CCDC148: variants seen among roughly 807,000 people sequenced by gnomAD.
The protein encoded by CCDC148 is coiled-coil domain-containing protein 148.
Under a neutral mutation model 85.7 loss-of-function variants are expected in CCDC148, and 89 were observed. That is an observed-to-expected ratio of 1.04 (90% CI 0.87 to 1.24). CCDC148 has a LOEUF of 1.24. Ranked by LOEUF, CCDC148 falls within the 50% of genes most tolerant of loss-of-function variation. The pLI is 0.00. For missense variants in CCDC148, 692 were observed against 671.7 expected (o/e 1.03, Z -0.33); for synonymous variants, 230 against 213.9 (o/e 1.08, Z -0.66).
intron 10 of CCDC148, among the ~76,000 whole-genome samples, chr2:158,238,538 A>G (rs1347210663): frequency 1.3e-5 from 2 of 152,196 alleles, no homozygotes; most frequent in African/African-American, 4.8e-5. Context: ...TATCTGTTCC[A>G]TAACACATGT....
intron 1 of CCDC148, among the ~76,000 whole-genome samples, chr2:158,406,629 T>TTTTTTTGTTTTTTTTTTTTTTTTTTTG (rs1553518868): frequency 8.5e-6 from 1 of 117,490 alleles, no homozygotes; most frequent in African/African-American, 3.1e-5. Context: ...TTTTTTTTTT[T>TTTTTTTGTTTTTTTTTTTTTTTTTTTG]TTTTTTTTTT....
chr2:158,290,580 T>C (rs1223913529), intron 9 of CCDC148, among the ~76,000 whole-genome samples: 4 of 152,196 alleles, frequency 2.6e-5, no homozygotes, highest in Non-Finnish European at 5.9e-5. Context: ...AGGCTTTCCA[T>C]AGATAGTTCC....
chr2:158,308,753 C>A (rs1691818036), intron 9 of CCDC148, among the ~76,000 whole-genome samples: 1 of 152,308 alleles, frequency 6.6e-6, no homozygotes, highest in Non-Finnish European at 1.5e-5. Context: ...TGCACTGTGA[C>A]CCTCCTGTGG....
In CCDC148 at chr2:158,329,040, T is replaced by C. The variant is rs1692947629; in HGVS notation, c.764+9686A>G. 2.0e-5 allele frequency among the ~76,000 whole-genome samples: 3 copies of C among 152,356 alleles called. No individual in the cohort carries two copies. In the South Asian group the frequency reaches 6.2e-4, roughly 32 times the overall value. ...TTAACTAGATCCCATTTGTCAGTTT[T>C]GGCTTTTGTTGCCATTGCTTTTGGT... is the stretch of plus-strand genomic sequence containing the variant. On this transcript the variant is annotated intron_variant, in intron 7 of 13. Coordinates refer to ENST00000283233, the MANE Select transcript of CCDC148 (RefSeq NM_138803.4).
intron 9 of CCDC148, among the ~76,000 whole-genome samples, chr2:158,294,872 T>C (rs1232025129): frequency 6.7e-6 from 1 of 150,308 alleles, no homozygotes; most frequent in African/African-American, 2.5e-5. Flanking sequence ...AAAGTGACCA[T>C]GTTACTTTGC....
At position 158,311,235 on chromosome 2, in the gene CCDC148, C is replaced by G. The variant is rs6755379; in HGVS notation, c.904-1596G>C. On this transcript the variant is annotated intron_variant, in intron 8 of 13. Transcript: ENST00000283233. ...CTGCAATCCCGGCACCTCGGGAGGC[C>G]GAGGTGGGCAGATCACTCGAGGTCA... 2.9e-3 allele frequency among the ~76,000 whole-genome samples: 435 copies of G among 152,290 alleles called. 4 individuals are homozygous for G. The highest frequency in any genetic ancestry group is 0.01 in the African/African-American group (417 of 41,570).
intron 9 of CCDC148, among the ~76,000 whole-genome samples, chr2:158,287,138 G>T (rs186310015): frequency 6.6e-6 from 1 of 152,260 alleles, no homozygotes; most frequent in Non-Finnish European, 1.5e-5. Flanking sequence ...CACGAGAATA[G>T]CACAGGAAAG....
chr2:158,190,662 A>C lies in CCDC148; in HGVS notation c.1371-11666T>G, dbSNP rs58828468. ...AATTAATATGTATTGCATTTAAAAAATCTTCATGAGGCCATATAATCATTT... is the reference window on the plus strand; with the variant it reads ...AATTAATATGTATTGCATTTAAAAACTCTTCATGAGGCCATATAATCATTT... On this transcript the variant is annotated intron_variant, in intron 11 of 13. Transcript: ENST00000283233. Among the ~76,000 whole-genome samples, 1,274 of 152,146 alleles carry C rather than the reference A, an allele frequency of 8.4e-3. 16 individuals carry two copies. The highest frequency in any genetic ancestry group is 0.028 in the African/African-American group (1,154 of 41,548).
chr2:158,280,524 C>A (rs986375301), intron 9 of CCDC148, among the ~76,000 whole-genome samples: 96 of 152,200 alleles, frequency 6.3e-4, no homozygotes, highest in Admixed American at 2.6e-3. Flanking sequence ...TCAAAAGAGA[C>A]AAAGAAGGCC....
chr2:158,324,063 T>C (rs1373135076), intron 7 of CCDC148, among the ~76,000 whole-genome samples: 2 of 150,948 alleles, frequency 1.3e-5, no homozygotes, highest in African/African-American at 2.4e-5. Context: ...ATTACAGGCA[T>C]GCACCACTAC....
chr2:158,303,788 T>TCCTCAGACA (rs1308818251), intron 9 of CCDC148, among the ~76,000 whole-genome samples: 2 of 152,184 alleles, frequency 1.3e-5, no homozygotes, highest in African/African-American at 4.8e-5. Flanking sequence ...CTGAGGAGGC[T>TCCTCAGACA]ACATTTTATG....
chr2:158,279,402 A>T (rs1690144295), intron 9 of CCDC148, among the ~76,000 whole-genome samples: 1 of 152,206 alleles, frequency 6.6e-6, no homozygotes, highest in Non-Finnish European at 1.5e-5. Context: ...AATGTATAAC[A>T]AGAATAACTA....
At chr2:158,431,068 A>T (rs1253650086) in intron 1 of CCDC148, among the ~76,000 whole-genome samples, 1 of 152,066 alleles carries the variant, frequency 6.6e-6, no homozygotes, top group Non-Finnish European at 1.5e-5. Context: ...AAAAATTAAC[A>T]GAACCTCAAT....
chr2:158,247,910 T>C (rs1688634532), intron 10 of CCDC148, among the ~76,000 whole-genome samples: 1 of 152,142 alleles, frequency 6.6e-6, no homozygotes, highest in Non-Finnish European at 1.5e-5. Flanking sequence ...TATATTTATA[T>C]TTTTATTTTA....
At chr2:158,301,753 T>C (rs1348872829) in intron 9 of CCDC148, among the ~76,000 whole-genome samples, 3 of 151,762 alleles carry the variant, frequency 2.0e-5, no homozygotes, top group African/African-American at 4.8e-5. Context: ...AACAGGGAAG[T>C]GAAGGGGAGA....
rs10175474 is a variant in CCDC148 at position 158,363,039 on chromosome 2, C to G, written c.26-4469G>C. The stretch of plus-strand genomic sequence containing the variant: ...TACCATCACAGAATACTATAAATAC[C>G]TCTATGCAAATGAACTAGAAAATCT... On this transcript the variant is annotated intron_variant, in intron 1 of 13. Coordinates refer to ENST00000283233, the MANE Select transcript of CCDC148 (RefSeq NM_138803.4). Among the ~76,000 whole-genome samples, 1,226 of 152,284 alleles carry G rather than the reference C, an allele frequency of 8.1e-3. 17 individuals carry two copies. The highest frequency in any genetic ancestry group is 0.028 in the African/African-American group (1,152 of 41,564).
chr2:158,337,629 A>C (rs1682455868), intron 7 of CCDC148, among the ~76,000 whole-genome samples: 1 of 152,132 alleles, frequency 6.6e-6, no homozygotes, highest in African/African-American at 2.4e-5. Flanking sequence ...TGGGGAAGGA[A>C]AGGCTATCAG....
At position 158,176,504 on chromosome 2, in the gene CCDC148, C is replaced by T. The variant is rs201449997; in HGVS notation, c.1629+17G>A. 273 of 1,608,298 alleles carry T rather than the reference C, an allele frequency of 1.7e-4. 1 individual carries two copies. In the East Asian group the frequency reaches 6.0e-3, roughly 36 times the overall value. On this transcript the variant is annotated intron_variant, in intron 13 of 13. Coordinates refer to ENST00000283233, the MANE Select transcript of CCDC148 (RefSeq NM_138803.4). ...CATCATGGCTTTTTCATCAGTCATG[C>T]TAATTTCCATAATTACCTGCTGTTC...
intron 11 of CCDC148, among the ~76,000 whole-genome samples, chr2:158,186,300 T>C (rs184359710): frequency 6.6e-6 from 1 of 152,166 alleles, no homozygotes. Flanking sequence ...TAGACTGAAC[T>C]TAGAATTGTC....
Sources: gnomAD v4.1 joint callset for allele counts (sites outside exome capture counted in the v4.1 genomes callset) on GRCh38, gnomAD v4.1.1 for gene constraint, MANE v1.5 for transcripts, NCBI Gene and HGNC (gene_info 2026-07-23, HGNC 2026-07-21) for gene names.